ZFYVE28: variants seen among roughly 807,000 people sequenced by gnomAD.
The protein encoded by ZFYVE28 is zinc finger FYVE-type containing 28.
Under a neutral mutation model 82.1 loss-of-function variants are expected in ZFYVE28, and 40 were observed. The observed-to-expected ratio is 0.49, with a 90% CI of 0.38 to 0.63. The LOEUF (loss-of-function observed/expected upper bound fraction) is 0.63. ZFYVE28 is among the 30% of genes least tolerant of loss of function. ZFYVE28 has a pLI of 0.00. For missense variants in ZFYVE28, 1,321 were observed against 1,242.1 expected (o/e 1.06, Z -0.96); for synonymous variants, 612 against 546.1 (o/e 1.12, Z -1.68).
intron 1 of ZFYVE28, among the ~76,000 whole-genome samples, chr4:2,403,679 T>C (rs1212129447): frequency 6.6e-6 from 1 of 152,094 alleles, no homozygotes; most frequent in Non-Finnish European, 1.5e-5. Flanking sequence ...AGAACCACAG[T>C]GGAAGCCAGC....
At chr4:2,410,821 G>A (rs1375239289) in intron 1 of ZFYVE28, among the ~76,000 whole-genome samples, 2 of 152,188 alleles carry the variant, frequency 1.3e-5, no homozygotes, top group Non-Finnish European at 2.9e-5. Flanking sequence ...CCATGGTGTG[G>A]AGGGACCACA....
chr4:2,407,778 G>C (rs1732080698), intron 1 of ZFYVE28, among the ~76,000 whole-genome samples: 1 of 152,184 alleles, frequency 6.6e-6, no homozygotes. Flanking sequence ...AGTAGAAACA[G>C]GGTTTCACCA....
At chr4:2,376,134 A>G (rs2108909271) in intron 1 of ZFYVE28, among the ~76,000 whole-genome samples, 1 of 151,922 alleles carries the variant, frequency 6.6e-6, no homozygotes, top group South Asian at 2.1e-4. Flanking sequence ...CGGCCTCCCA[A>G]AGTGCTGGGA....
intron 8 of ZFYVE28, among the ~76,000 whole-genome samples, chr4:2,282,343 G>T (rs1444344570): frequency 1.3e-5 from 2 of 152,232 alleles, no homozygotes; most frequent in Non-Finnish European, 2.9e-5. Context: ...ACCAAAGGCT[G>T]CCCAGCCTGT....
intron 1 of ZFYVE28, among the ~76,000 whole-genome samples, chr4:2,399,111 C>T (rs61697136): frequency 5.8e-4 from 4 of 6,898 alleles, no homozygotes; most frequent in South Asian, 2.5e-3. Flanking sequence ...CAAGCTGGGG[C>T]AAGATGGAGG....
At chr4:2,406,703 C>T (rs1560352738) in intron 1 of ZFYVE28, 1 of 152,268 alleles carries the variant, frequency 6.6e-6, no homozygotes, top group Non-Finnish European at 1.5e-5. Context: ...CACTCTCAGT[C>T]TCTGTCTGGG....
At chr4:2,366,927 A>T (rs1726955784) in intron 1 of ZFYVE28, among the ~76,000 whole-genome samples, 1 of 152,266 alleles carries the variant, frequency 6.6e-6, no homozygotes, top group Non-Finnish European at 1.5e-5. Context: ...CTGCAAGCCA[A>T]GCCAGACGCA....
intron 1 of ZFYVE28, among the ~76,000 whole-genome samples, chr4:2,415,953 AC>A (rs1467321813): frequency 3.3e-5 from 5 of 152,230 alleles, no homozygotes; most frequent in Non-Finnish European, 7.3e-5. Flanking sequence ...AAATGGAGAT[AC>A]GTCTCAAGTC....
chr4:2,317,859 C>T (rs1439806686), intron 7 of ZFYVE28, among the ~76,000 whole-genome samples: 2 of 152,196 alleles, frequency 1.3e-5, no homozygotes, highest in African/African-American at 2.4e-5. Flanking sequence ...TCTCAAACTC[C>T]TGACCTCAGG....
chr4:2,364,346 A>C, intron 1 of ZFYVE28: 1 of 689,546 alleles, frequency 1.5e-6, no homozygotes, highest in Non-Finnish European at 1.8e-6. Flanking sequence ...CTGGAACCAC[A>C]GGTGTTGTGG....
intron 1 of ZFYVE28, among the ~76,000 whole-genome samples, chr4:2,389,663 G>A (rs534238307): frequency 6.6e-6 from 1 of 152,142 alleles, no homozygotes; most frequent in South Asian, 2.1e-4. Flanking sequence ...TCCCCGATCC[G>A]GCTCCTCTGT....
intron 1 of ZFYVE28, among the ~76,000 whole-genome samples, chr4:2,387,062 G>A (rs1578343445): frequency 1.4e-5 from 2 of 146,156 alleles, no homozygotes; most frequent in Admixed American, 6.7e-5. Flanking sequence ...AGACTCCGGG[G>A]CCGGGGCCGG....
At position 2,394,651 on chromosome 4, in the gene ZFYVE28, G is replaced by A. The variant is rs534211040; in HGVS notation, c.39+23634C>T. Among the ~76,000 whole-genome samples the A allele has an allele frequency of 3.7e-4, 56 of 152,346 alleles. No individual in the cohort carries two copies. Among genetic ancestry groups the A allele is most frequent in the Non-Finnish European group, 6.3e-4 (43 of 68,032 alleles). ...ATGCTTCCAGCTGCTCGGGCTGCTCGGTCACAGGCAGGGGCCTGGGTGTCG... is the reference window on the plus strand; with the variant it reads ...ATGCTTCCAGCTGCTCGGGCTGCTCAGTCACAGGCAGGGGCCTGGGTGTCG... On this transcript the variant is annotated intron_variant, in intron 1 of 12. Transcript: ENST00000290974. The surrounding 1 kb of genome is among the most constrained non-coding windows in gnomAD (Gnocchi z 4.0).
intron 1 of ZFYVE28, among the ~76,000 whole-genome samples, chr4:2,371,580 A>G (rs2239719): frequency 0.67 from 101,664 of 152,148 alleles, 34,296 homozygotes; most frequent in East Asian, 0.8. Context: ...ACGGGTATTC[A>G]CTCAAGAAAA....
At chr4:2,337,839 C>T (rs989536586) in intron 4 of ZFYVE28, among the ~76,000 whole-genome samples, 1 of 151,452 alleles carries the variant, frequency 6.6e-6, no homozygotes, top group Non-Finnish European at 1.5e-5. Context: ...CCACTGCATT[C>T]CAGGCTGGGT....
chr4:2,314,292 G>A (rs1717903789), intron 7 of ZFYVE28, among the ~76,000 whole-genome samples: 1 of 152,198 alleles, frequency 6.6e-6, no homozygotes, highest in African/African-American at 2.4e-5. Flanking sequence ...CTTGTGTCAG[G>A]ACTGGGTCTC....
intron 2 of ZFYVE28, among the ~76,000 whole-genome samples, chr4:2,347,825 T>C (rs1403722474): frequency 6.6e-6 from 1 of 152,090 alleles, no homozygotes; most frequent in African/African-American, 2.4e-5. Flanking sequence ...AAGAAAGGCA[T>C]TCATTCTCTA....
At chr4:2,308,314 C>T (rs1716888912) in intron 7 of ZFYVE28, among the ~76,000 whole-genome samples, 1 of 151,902 alleles carries the variant, frequency 6.6e-6, no homozygotes, top group African/African-American at 2.4e-5. Context: ...GTACACACAG[C>T]AGAAAAGCAT....
At chr4:2,355,914 C>G (rs1725243809) in intron 1 of ZFYVE28, among the ~76,000 whole-genome samples, 1 of 152,210 alleles carries the variant, frequency 6.6e-6, no homozygotes, top group Non-Finnish European at 1.5e-5. Context: ...TTTATAATCA[C>G]AGAGAGAAAG....
Sources: allele counts gnomAD v4.1 joint callset (sites outside exome capture counted in the v4.1 genomes callset), GRCh38; gene constraint gnomAD v4.1.1; non-coding constraint Gnocchi (gnomAD v3.1); transcripts MANE v1.5; gene names NCBI Gene and HGNC (gene_info 2026-07-23, HGNC 2026-07-21).